MYT1L: variants seen among roughly 807,000 people sequenced by gnomAD.
MYT1L encodes the protein myelin transcription factor 1-like protein.
Under a neutral mutation model 126.7 loss-of-function variants are expected in MYT1L, and 12 were observed. The observed-to-expected ratio is 0.09, with a 90% CI of 0.06 to 0.15. The LOEUF (loss-of-function observed/expected upper bound fraction) is 0.15. MYT1L is among the 10% of genes least tolerant of loss of function. The probability of loss-of-function intolerance (pLI) is 1.00; values close to 1 mark genes in which losing one functional copy is unlikely to be tolerated. For missense variants in MYT1L, 979 were observed against 1,585.2 expected (o/e 0.62, Z 6.49); for synonymous variants, 541 against 604.2 (o/e 0.90, Z 1.53).
intron 3 of MYT1L, among the ~76,000 whole-genome samples, chr2:2,150,291 A>G (rs907164150): frequency 1.2e-4 from 18 of 152,216 alleles, no homozygotes; most frequent in Non-Finnish European, 2.2e-4. Context: ...AAAAAGCACT[A>G]AAATAACACC....
At chr2:2,297,033 C>G (rs2095705411) in intron 1 of MYT1L, among the ~76,000 whole-genome samples, 1 of 152,156 alleles carries the variant, frequency 6.6e-6, no homozygotes, top group African/African-American at 2.4e-5. Context: ...AACCACCTGC[C>G]TTCCCAGGTT....
At chr2:1,872,243 G>A (rs575985994) in intron 18 of MYT1L, among the ~76,000 whole-genome samples, 39 of 152,242 alleles carry the variant, frequency 2.6e-4, no homozygotes, top group African/African-American at 8.4e-4. Context: ...CATCCACCAG[G>A]GCATGAAAAG....
In MYT1L at chr2:2,227,124, G is replaced by A. The variant is rs111657142; in HGVS notation, c.-420-54136C>T. 5.6e-3 allele frequency among the ~76,000 whole-genome samples: 848 copies of A among 152,206 alleles called. 7 individuals are homozygous for A. The highest frequency in any genetic ancestry group is 0.012 in the South Asian group (59 of 4,814). ...ATCCCTTCCACCCTGGGGATGCGCT[G>A]TCCCGGCCTGCTTTTCCCCTTTTCC... On this transcript the variant is annotated intron_variant, in intron 2 of 24. Transcript: ENST00000647738.
At chr2:1,837,852 G>A (rs1289870438) in intron 21 of MYT1L, among the ~76,000 whole-genome samples, 3 of 151,604 alleles carry the variant, frequency 2.0e-5, no homozygotes, top group Non-Finnish European at 4.4e-5. Context: ...TTTGAGAAGG[G>A]ATTAGGTCGG....
chr2:2,256,243 G>C (rs2149252324), intron 2 of MYT1L, among the ~76,000 whole-genome samples: 1 of 152,328 alleles, frequency 6.6e-6, no homozygotes, highest in Admixed American at 6.5e-5. Context: ...CGAGGCCAGT[G>C]TGGGCACCAT....
At position 2,236,312 on chromosome 2, in the gene MYT1L, C is replaced by G. The variant is rs1381866667; in HGVS notation, c.-421+48092G>C. On this transcript the variant is annotated intron_variant, in intron 2 of 24. Transcript: ENST00000647738. Reference sequence around the variant, plus strand: ...CATATCCCAACCCAGCCCAGTACATCCCAACCCAACCCAGTACATGCCAAC... The same window carrying G: ...CATATCCCAACCCAGCCCAGTACATGCCAACCCAACCCAGTACATGCCAAC... Among the ~76,000 whole-genome samples the G allele has an allele frequency of 1.1e-4, 15 of 139,386 alleles. No individual in the cohort carries two copies. The East Asian group carries it at 1.9e-3, about 18-fold the overall frequency. The allele number at this position is 139,386 out of a possible 152,430, so 91.4% of individuals were successfully genotyped here. A position where few individuals can be genotyped will look rare whatever the true frequency, so the allele number is the denominator to read the frequency against.
chr2:1,958,546 G>A (rs915017521), intron 8 of MYT1L, among the ~76,000 whole-genome samples: 2 of 152,204 alleles, frequency 1.3e-5, no homozygotes, highest in East Asian at 1.9e-4. Context: ...TTCTGGAATC[G>A]GGGGGCCTTG....
intron 1 of MYT1L, among the ~76,000 whole-genome samples, chr2:2,313,263 A>T (rs917111878): frequency 1.3e-5 from 1 of 76,228 alleles, no homozygotes; most frequent in Non-Finnish European, 3.1e-5. Context: ...CTCAGCTGAT[A>T]AAAAAAAAAA....
At chr2:2,015,409 T>C (rs1327073582) in intron 4 of MYT1L, among the ~76,000 whole-genome samples, 1 of 152,166 alleles carries the variant, frequency 6.6e-6, no homozygotes, top group East Asian at 1.9e-4. Context: ...GCCATGGCTA[T>C]GGGAGGCCAG....
rs1018629846 is a variant in MYT1L, at chr2:1,910,822, C to G, written c.1710-475G>C. Reference sequence around the variant, plus strand: ...CTGGGGGGCCTGTCTGACTTTAGCCCTTTGGTGTTCTCCACAAGCAGGGAA... The same window carrying G: ...CTGGGGGGCCTGTCTGACTTTAGCCGTTTGGTGTTCTCCACAAGCAGGGAA... On this transcript the variant is annotated intron_variant, in intron 12 of 24. Coordinates refer to ENST00000647738, the MANE Select transcript of MYT1L (RefSeq NM_001303052.2). The surrounding 1 kb of genome is among the most constrained non-coding windows in gnomAD (Gnocchi z 4.8). 6.6e-6 allele frequency among the ~76,000 whole-genome samples: 1 copy of G among 152,116 alleles called. No homozygotes were observed. The highest frequency in any genetic ancestry group is 6.6e-5 in the Admixed American group (1 of 15,264).
At chr2:2,109,857 T>G (rs1265019450) in intron 3 of MYT1L, among the ~76,000 whole-genome samples, 1 of 128,222 alleles carries the variant, frequency 7.8e-6, no homozygotes, top group Non-Finnish European at 1.6e-5. Flanking sequence ...GGGAGGAAGA[T>G]TCACAAAAGT....
At chr2:2,314,817 A>G (rs2096037516) in intron 1 of MYT1L, among the ~76,000 whole-genome samples, 1 of 152,194 alleles carries the variant, frequency 6.6e-6, no homozygotes, top group South Asian at 2.1e-4. Flanking sequence ...TGGTACTGGT[A>G]CAGAAACAGA....
intron 2 of MYT1L, among the ~76,000 whole-genome samples, chr2:2,183,932 GAAA>G (rs1447579147): frequency 1.0e-4 from 12 of 114,696 alleles, no homozygotes; most frequent in Non-Finnish European, 1.9e-4. Context: ...GAGGAAGGAA[GAAA>G]AAAGGAAGGA....
chr2:1,862,372 C>T (rs1393857568), intron 18 of MYT1L, among the ~76,000 whole-genome samples: 5 of 152,190 alleles, frequency 3.3e-5, no homozygotes, highest in Admixed American at 1.3e-4. Context: ...ATTACAGGAA[C>T]CATCTCTTAC....
At chr2:1,916,547 A>T (rs2052861489) in intron 11 of MYT1L, among the ~76,000 whole-genome samples, 1 of 152,378 alleles carries the variant, frequency 6.6e-6, no homozygotes, top group South Asian at 2.1e-4. Flanking sequence ...AAAAAGATGT[A>T]TATCATTTCA....
chr2:2,066,450 C>T (rs941218350), intron 3 of MYT1L, among the ~76,000 whole-genome samples: 1 of 152,224 alleles, frequency 6.6e-6, no homozygotes, highest in African/African-American at 2.4e-5. Flanking sequence ...GTGAACCTCA[C>T]TTTCCTCATC....
chr2:1,912,169 C>T lies in MYT1L; in HGVS notation c.1619-59G>A. The T allele has an allele frequency of 8.2e-7, 1 of 1,223,382 alleles. No homozygotes were observed. Among genetic ancestry groups the T allele is most frequent in the Non-Finnish European group, 1.1e-6 (1 of 875,764 alleles). The allele number at this position is 1,223,382 out of a possible 1,614,324, so 75.8% of individuals were successfully genotyped here. A position where few individuals can be genotyped will look rare whatever the true frequency, so the allele number is the denominator to read the frequency against. On this transcript the variant is annotated intron_variant, in intron 11 of 24. Coordinates refer to ENST00000647738, the MANE Select transcript of MYT1L (RefSeq NM_001303052.2). This position sits in a 1 kb window ranked among gnomAD's most constrained non-coding sequence, Gnocchi z 4.3. ...TTAAAACAGAGGCACGGTTAGGGCA[C>T]ATGAAAATGCAGTCATTTAACAAAG... is the stretch of plus-strand genomic sequence containing the variant.
At position 1,912,108 on chromosome 2, in the gene MYT1L, G is replaced by T; in HGVS notation, c.1621C>A (p.Leu541Ile). 6.4e-7 allele frequency: 1 copy of T among 1,571,976 alleles called. No individual in the cohort carries two copies. Among genetic ancestry groups the T allele is most frequent in the Non-Finnish European group, 8.7e-7 (1 of 1,150,348 alleles). The change falls in exon 12 of 25, where the codon CTT (leucine) becomes ATT (isoleucine). Residue 541 changes from leucine to isoleucine, a missense_variant and splice_region_variant. Physicochemically the swap from Leu to Ile is conservative, Grantham distance 5 (BLOSUM62 2). Transcript: ENST00000647738. The surrounding 1 kb of genome is among the most constrained non-coding windows in gnomAD (Gnocchi z 4.3). Reference sequence around the variant, plus strand: ...TTGAGGACACTTTCATGCATGGCAAGGACTTGACAGGGAGAGGCAAAGAGA... The same window carrying T: ...TTGAGGACACTTTCATGCATGGCAATGACTTGACAGGGAGAGGCAAAGAGA... ...PHKDRVPPEI[L>I]AMHESVLKCP...
chr2:1,847,237 G>A (rs2148478379), intron 19 of MYT1L, among the ~76,000 whole-genome samples: 1 of 152,334 alleles, frequency 6.6e-6, no homozygotes, highest in East Asian at 1.9e-4. Flanking sequence ...ATAGGATGGT[G>A]AGATTATAGA....
Sources: allele counts gnomAD v4.1 joint callset (sites outside exome capture counted in the v4.1 genomes callset), GRCh38; gene constraint gnomAD v4.1.1; non-coding constraint Gnocchi (gnomAD v3.1); transcripts MANE v1.5; gene names NCBI Gene and HGNC (gene_info 2026-07-23, HGNC 2026-07-21).